POU2F1: variants seen among roughly 807,000 people sequenced by gnomAD.
POU2F1 encodes the protein POU domain, class 2, transcription factor 1.
In POU2F1, 16 loss-of-function variants were observed where a neutral mutation model predicts 84.9. That is an observed-to-expected ratio of 0.19 (90% confidence interval 0.13 to 0.29). The LOEUF is 0.29. POU2F1 is among the 10% of genes least tolerant of loss of function. The pLI, the probability that POU2F1 is intolerant of heterozygous loss-of-function variation, is 1.00. For synonymous variants in POU2F1, 368 were observed against 368.3 expected, an observed-to-expected ratio of 1.00 and a Z score of 0.01; for missense variants, 738 against 942.6, an observed-to-expected ratio of 0.78 and a Z score of 2.84.
At chr1:167,248,548 T>C (rs1440606975) in intron 1 of POU2F1, among the ~76,000 whole-genome samples, 5 of 152,260 alleles carry the variant, frequency 3.3e-5, no homozygotes, top group Non-Finnish European at 7.4e-5. Flanking sequence ...TCCTGTATGC[T>C]ATGGAAGTAA....
intron 1 of POU2F1, among the ~76,000 whole-genome samples, chr1:167,308,791 T>TTA (rs1476014353): frequency 6.6e-6 from 1 of 152,206 alleles, no homozygotes; most frequent in Non-Finnish European, 1.5e-5. Context: ...AGTGCTGGGA[T>TTA]TACAGGCATG....
intron 13 of POU2F1, among the ~76,000 whole-genome samples, chr1:167,404,468 C>T (rs1433408159): frequency 1.3e-5 from 2 of 152,118 alleles, no homozygotes; most frequent in Non-Finnish European, 2.9e-5. Context: ...GGCAGGCAAG[C>T]GAGGCTTTCT....
chr1:167,419,992 C>A lies in POU2F1; in HGVS notation c.*4182C>A, dbSNP rs1465021999. ...AACTATACCTCTTTAATGTTATTTT[C>A]TTCCATTATCCCTCATTTATTTGGA... On this transcript the variant is annotated 3_prime_UTR_variant, in exon 16 of 16. Coordinates refer to ENST00000367866, the MANE Select transcript of POU2F1 (RefSeq NM_002697.4). 6.6e-6 allele frequency: 1 copy of A among 152,116 alleles called. No homozygotes were observed. Among genetic ancestry groups the A allele is most frequent in the Non-Finnish European group, 1.5e-5 (1 of 68,018 alleles). The allele number at this position is 152,116 out of a possible 1,614,324, so 9.4% of individuals were successfully genotyped here. A position where few individuals can be genotyped will look rare whatever the true frequency, so the allele number is the denominator to read the frequency against.
chr1:167,265,533 A>C (rs1040078125), intron 1 of POU2F1, among the ~76,000 whole-genome samples: 3 of 152,244 alleles, frequency 2.0e-5, no homozygotes, highest in Admixed American at 6.5e-5. Flanking sequence ...AGGTTAAAGA[A>C]GATTTGATAA....
At chr1:167,283,949 A>C (rs922806222) in intron 1 of POU2F1, among the ~76,000 whole-genome samples, 8 of 152,228 alleles carry the variant, frequency 5.3e-5, no homozygotes, top group Non-Finnish European at 1.0e-4. Context: ...CTTTGAATTT[A>C]ACTAGCTTAA....
At chr1:167,272,818 A>G (rs1425560330) in intron 1 of POU2F1, among the ~76,000 whole-genome samples, 2 of 151,918 alleles carry the variant, frequency 1.3e-5, no homozygotes, top group East Asian at 1.9e-4. Flanking sequence ...CCCCTCCCCA[A>G]TCTCTCATGT....
intron 7 of POU2F1, among the ~76,000 whole-genome samples, chr1:167,378,273 T>C (rs1481120915): frequency 2.6e-5 from 4 of 152,240 alleles, no homozygotes; most frequent in African/African-American, 9.6e-5. Context: ...TTCACTCTTG[T>C]TGCCCAGGCT....
intron 13 of POU2F1, among the ~76,000 whole-genome samples, chr1:167,408,210 A>G (rs1571461244): frequency 6.6e-6 from 1 of 152,334 alleles, no homozygotes; most frequent in East Asian, 1.9e-4. Context: ...TAGAATGGCT[A>G]TAATCAAAAA....
chr1:167,307,795 C>T (rs2102590316), intron 1 of POU2F1, among the ~76,000 whole-genome samples: 1 of 152,276 alleles, frequency 6.6e-6, no homozygotes, highest in South Asian at 2.1e-4. Flanking sequence ...ATGTCCCTTA[C>T]ACCAAAATAA....
At chr1:167,372,177 C>A in intron 5 of POU2F1, 141 bp downstream of exon 5, 1 of 1,038,822 alleles carries the variant, frequency 9.6e-7, no homozygotes, top group Non-Finnish European at 1.4e-6. Context: ...GAACTTCCTA[C>A]ACTGTAGGTA....
chr1:167,396,542 G>A, intron 10 of POU2F1, 115 bp downstream of exon 10: 1 of 1,042,494 alleles, frequency 9.6e-7, no homozygotes, highest in Non-Finnish European at 1.4e-6. Flanking sequence ...GAACCTTGAA[G>A]CTTACTAATC....
At chr1:167,355,973 G>C (rs527646081) in intron 2 of POU2F1, among the ~76,000 whole-genome samples, 12 of 151,254 alleles carry the variant, frequency 7.9e-5, no homozygotes, top group South Asian at 4.2e-4. Context: ...TTTGAGACAG[G>C]GTCTCACTTT....
chr1:167,221,889 G>T (rs1333652555), intron 1 of POU2F1, among the ~76,000 whole-genome samples: 1 of 151,792 alleles, frequency 6.6e-6, no homozygotes, highest in East Asian at 2.0e-4. Flanking sequence ...ATGTCCTCTG[G>T]GGCGGCCCGC....
At chr1:167,364,628 A>C (rs1259876056) in intron 2 of POU2F1, among the ~76,000 whole-genome samples, 10 of 133,762 alleles carry the variant, frequency 7.5e-5, no homozygotes, top group Non-Finnish European at 1.4e-4. Flanking sequence ...CCCAGGCTGG[A>C]GTGCAGTGGC....
intron 9 of POU2F1, among the ~76,000 whole-genome samples, chr1:167,390,260 A>C (rs892159841): frequency 6.6e-6 from 1 of 152,186 alleles, no homozygotes; most frequent in Non-Finnish European, 1.5e-5. Context: ...TTTTTAATGT[A>C]TGGTTTAATG....
intron 1 of POU2F1, among the ~76,000 whole-genome samples, chr1:167,300,313 G>T (rs1654595276): frequency 1.3e-5 from 2 of 152,032 alleles, no homozygotes; most frequent in Non-Finnish European, 2.9e-5. Context: ...TAGAGATCAG[G>T]TACCGTATTC....
chr1:167,286,392 T>G (rs1653529535), intron 1 of POU2F1, among the ~76,000 whole-genome samples: 1 of 152,210 alleles, frequency 6.6e-6, no homozygotes, highest in African/African-American at 2.4e-5. Context: ...CCAGTAAGTT[T>G]CCATTCCTAC....
intron 1 of POU2F1, among the ~76,000 whole-genome samples, chr1:167,252,319 A>G (rs1006411992): frequency 1.3e-5 from 2 of 152,182 alleles, no homozygotes; most frequent in African/African-American, 4.8e-5. Context: ...TGCTATTAGG[A>G]TTATCTGAAC....
At chr1:167,348,330 T>C (rs929739865) in intron 2 of POU2F1, among the ~76,000 whole-genome samples, 8 of 152,206 alleles carry the variant, frequency 5.3e-5, no homozygotes, top group African/African-American at 1.9e-4. Flanking sequence ...CTTTATATGG[T>C]ACGTGACTGT....
Sources: allele counts gnomAD v4.1 joint callset (sites outside exome capture counted in the v4.1 genomes callset), GRCh38; gene constraint gnomAD v4.1.1; transcripts MANE v1.5; gene names NCBI Gene and HGNC (gene_info 2026-07-23, HGNC 2026-07-21).